SLC15A5: variants seen among roughly 807,000 people sequenced by gnomAD.
SLC15A5 encodes the protein Peptide/histidine transporter ENSP00000340402.
SLC15A5 carries 58 observed loss-of-function variants against 56.1 expected under a neutral mutation model. The observed-to-expected ratio is 1.03, with a 90% CI of 0.84 to 1.29. SLC15A5 has a LOEUF of 1.29. SLC15A5 is among the 50% of genes most tolerant of loss of function. The pLI is 0.00. For synonymous variants in SLC15A5, 264 were observed against 250.5 expected, an observed-to-expected ratio of 1.05 and a Z score of -0.51; for missense variants, 681 against 672.1, an observed-to-expected ratio of 1.01 and a Z score of -0.15.
At chr12:16,277,278 C>A in intron 1 of SLC15A5, 47 bp downstream of exon 1, 4 of 1,434,686 alleles carry the variant, frequency 2.8e-6, no homozygotes, top group Non-Finnish European at 3.6e-6. Flanking sequence ...TAACAAAAAT[C>A]TACTTAATTA....
rs538475659 is a variant in SLC15A5 at position 16,227,955 on chromosome 12, A to G, written c.1163-3353T>C. 2.2e-4 allele frequency among the ~76,000 whole-genome samples: 33 copies of G among 152,318 alleles called. No homozygotes were observed. In the South Asian group the frequency reaches 6.8e-3, roughly 32 times the overall value. The stretch of plus-strand genomic sequence containing the variant: ...AAATATAAGGAAGGTAGAAACATAA[A>G]ATGCATTAGAGGGCACTGATAAAAC... On this transcript the variant is annotated intron_variant, in intron 5 of 8. Transcript: ENST00000344941.
chr12:16,193,371 C>A lies in SLC15A5; in HGVS notation c.1592+974G>T, dbSNP rs533089123. Among the ~76,000 whole-genome samples the A allele has an allele frequency of 1.2e-3, 175 of 152,092 alleles. 1 individual carries two copies. The highest frequency in any genetic ancestry group is 3.9e-3 in the African/African-American group (162 of 41,530). On this transcript the variant is annotated intron_variant, in intron 8 of 8. Transcript: ENST00000344941. ...TGCCTTGCATGAGGTTTGATTCTTT[C>A]TTATGCTGGACCATAAGCCCAATGA...
rs141275925 is a variant in SLC15A5 at position 16,203,321 on chromosome 12, C to T, written c.1484-8868G>A. Among the ~76,000 whole-genome samples, 325 of 152,012 alleles carry T rather than the reference C, an allele frequency of 2.1e-3. 6 individuals are homozygous for T. The East Asian group carries it at 0.026, about 12-fold the overall frequency. ...GATATTAGGCATTTTTAAATTTTCA[C>T]GGAAAAAGTAGATCTTTTCTCTGGA... On this transcript the variant is annotated intron_variant, in intron 7 of 8. Transcript: ENST00000344941.
At chr12:16,215,267 A>ATTGT (rs1280112737) in intron 7 of SLC15A5, among the ~76,000 whole-genome samples, 2 of 148,576 alleles carry the variant, frequency 1.3e-5, no homozygotes, top group African/African-American at 4.9e-5. Context: ...CTTAGCCAAG[A>ATTGT]TTGTTTGGTC....
intron 3 of SLC15A5, among the ~76,000 whole-genome samples, chr12:16,255,610 T>C (rs1340874743): frequency 6.6e-6 from 1 of 152,058 alleles, no homozygotes; most frequent in Non-Finnish European, 1.5e-5. Flanking sequence ...ATCCTAAAGA[T>C]ACACTGGCAA....
intron 6 of SLC15A5, among the ~76,000 whole-genome samples, chr12:16,217,590 A>G (rs1159064128): frequency 6.6e-6 from 1 of 152,210 alleles, no homozygotes; most frequent in Non-Finnish European, 1.5e-5. Context: ...ATCGTTATTC[A>G]CTTGCAGAGG....
intron 5 of SLC15A5, among the ~76,000 whole-genome samples, 174 bp downstream of exon 5, chr12:16,239,507 A>C (rs1864389681): frequency 6.6e-6 from 1 of 152,220 alleles, no homozygotes; most frequent in South Asian, 2.1e-4. Context: ...AAGATGGGAC[A>C]CATGTCTGGC....
At chr12:16,251,905 T>C (rs1484722343) in intron 3 of SLC15A5, among the ~76,000 whole-genome samples, 1 of 151,900 alleles carries the variant, frequency 6.6e-6, no homozygotes, top group East Asian at 1.9e-4. Context: ...TGATATAAAA[T>C]AGAAACAAAC....
intron 7 of SLC15A5, among the ~76,000 whole-genome samples, chr12:16,197,469 G>C (rs1863905131): frequency 6.6e-6 from 1 of 152,062 alleles, no homozygotes; most frequent in African/African-American, 2.4e-5. Flanking sequence ...GACTTTTAAA[G>C]TTGAATCTTG....
intron 2 of SLC15A5, among the ~76,000 whole-genome samples, chr12:16,270,394 A>C (rs1864739622): frequency 2.6e-5 from 4 of 152,102 alleles, no homozygotes; most frequent in Non-Finnish European, 5.9e-5. Flanking sequence ...AATTCGTTAT[A>C]TTTACCAGTC....
At chr12:16,250,509 G>A (rs1393131347) in intron 3 of SLC15A5, among the ~76,000 whole-genome samples, 2 of 151,992 alleles carry the variant, frequency 1.3e-5, no homozygotes, top group African/African-American at 4.8e-5. Context: ...AGAAAAATAT[G>A]TTACGAATTA....
In SLC15A5 at chr12:16,244,647, G is replaced by C; in HGVS notation, c.908C>G (p.Thr303Arg). ...GCYSELHVED[T>R]TFFLTLLPLF... ...AGGGAGAAGGGTGAGGAAAAATGTT[G>C]TGTCTTCTACATGGAGCTCACTGTA... The change falls in exon 4 of 9, where the codon ACA becomes AGA. Residue 303 changes from threonine (T) to arginine (R), a missense_variant. Coordinates refer to ENST00000344941, the MANE Select transcript of SLC15A5 (RefSeq NM_001170798.1). 1 of 1,537,614 alleles carries C rather than the reference G, an allele frequency of 6.5e-7. No homozygotes were observed. The highest frequency in any genetic ancestry group is 1.4e-5 in the African/African-American group (1 of 73,122).
At chr12:16,225,553 C>A (rs200281466) in intron 5 of SLC15A5, among the ~76,000 whole-genome samples, 1 of 152,256 alleles carries the variant, frequency 6.6e-6, no homozygotes, top group East Asian at 1.9e-4. Flanking sequence ...GCAATCTACT[C>A]ATCTGACAAA....
intron 7 of SLC15A5, among the ~76,000 whole-genome samples, chr12:16,214,381 G>A (rs1452112461): frequency 6.6e-6 from 1 of 152,308 alleles, no homozygotes; most frequent in East Asian, 1.9e-4. Context: ...TTATGCTAAT[G>A]AGGCAACTCA....
rs865815640 is a variant in SLC15A5 at position 16,271,735 on chromosome 12, G to C, written c.584+826C>G. Among the ~76,000 whole-genome samples the C allele has an allele frequency of 6.6e-6, 1 of 151,962 alleles. No homozygotes were observed. Among genetic ancestry groups the C allele is most frequent in the Non-Finnish European group, 1.5e-5 (1 of 67,966 alleles). On this transcript the variant is annotated intron_variant, in intron 2 of 8. Transcript: ENST00000344941. This position sits in a 1 kb window ranked among gnomAD's most constrained non-coding sequence, Gnocchi z 8.0. ...ATAGATAACAAAGAATAACAAAGAA[G>C]TTTTATACTAAATTCTTAACTACCC...
At chr12:16,246,950 A>G (rs1864468214) in intron 3 of SLC15A5, among the ~76,000 whole-genome samples, 1 of 152,186 alleles carries the variant, frequency 6.6e-6, no homozygotes, top group Non-Finnish European at 1.5e-5. Flanking sequence ...TGGTCAATTC[A>G]TTTGTGAAAT....
intron 3 of SLC15A5, among the ~76,000 whole-genome samples, chr12:16,253,466 A>C (rs1041823542): frequency 5.9e-5 from 9 of 152,282 alleles, no homozygotes; most frequent in Non-Finnish European, 1.0e-4. Flanking sequence ...AACCTGTTTA[A>C]AAAATGACCA....
chr12:16,275,981 C>A (rs535337366), intron 1 of SLC15A5, among the ~76,000 whole-genome samples: 1 of 152,068 alleles, frequency 6.6e-6, no homozygotes, highest in Admixed American at 6.6e-5. Flanking sequence ...ATTTTTCCAT[C>A]CTAACTCATT....
chr12:16,225,449 C>A (rs1271905729), intron 5 of SLC15A5, among the ~76,000 whole-genome samples: 1 of 152,124 alleles, frequency 6.6e-6, no homozygotes, highest in East Asian at 1.9e-4. Flanking sequence ...CCAAAATTGG[C>A]AAATGGGATC....
Sources: allele counts gnomAD v4.1 joint callset (sites outside exome capture counted in the v4.1 genomes callset), GRCh38; gene constraint gnomAD v4.1.1; non-coding constraint Gnocchi (gnomAD v3.1); transcripts MANE v1.5; gene names NCBI Gene and HGNC (gene_info 2026-07-23, HGNC 2026-07-21).